The following SHLD2 variants were observed in gnomAD, a reference collection of about 807,000 sequenced individuals.
The protein encoded by SHLD2 is shieldin complex subunit 2.
Under a neutral mutation model 73.2 loss-of-function variants are expected in SHLD2, and 30 were observed. The observed-to-expected ratio is 0.41, with a 90% CI of 0.31 to 0.56. SHLD2 has a LOEUF of 0.56. Ranked by LOEUF, SHLD2 falls within the 20% of genes least tolerant of loss-of-function variation. The pLI, the probability that SHLD2 is intolerant of heterozygous loss-of-function variation, is 0.28. For missense variants in SHLD2, 745 were observed against 1,055.9 expected, an observed-to-expected ratio of 0.71 and a Z score of 4.08; for synonymous variants, 285 against 370.1, an observed-to-expected ratio of 0.77 and a Z score of 2.64.
chr10:87,099,559 C>T (rs1287995703), intron 2 of SHLD2, among the ~76,000 whole-genome samples: 1 of 152,198 alleles, frequency 6.6e-6, no homozygotes, highest in Non-Finnish European at 1.5e-5. Flanking sequence ...AAAATCTATT[C>T]ATCATTGATG....
chr10:87,113,444 C>G (rs1211828729), intron 2 of SHLD2, among the ~76,000 whole-genome samples: 1 of 152,164 alleles, frequency 6.6e-6, no homozygotes, highest in Non-Finnish European at 1.5e-5. Flanking sequence ...AAACATTATG[C>G]TGAGTGAAAG....
chr10:87,152,564 T>C lies in SHLD2; in HGVS notation c.1210T>C (p.Leu404=), dbSNP rs1846091384. The part of the protein sequence containing the change: ...RVLQVAKKMK[L]ISNGGDSAVE... Reference sequence around the variant, plus strand: ...CCTTCAAGTAGCTAAGAAAATGAAGTTGATTTCTAATGGAGGAGATTCTGC... The same window carrying C: ...CCTTCAAGTAGCTAAGAAAATGAAGCTGATTTCTAATGGAGGAGATTCTGC... Residue 404 remains leucine, a synonymous_variant, in exon 3 of 10, where the codon TTG becomes CTG. Coordinates refer to ENST00000298786, the MANE Select transcript of SHLD2 (RefSeq NM_001330112.2). The C allele has an allele frequency of 6.2e-7, 1 of 1,611,418 alleles. No homozygotes were observed. Among genetic ancestry groups the C allele is most frequent in the Non-Finnish European group, 8.5e-7 (1 of 1,179,746 alleles).
rs778010684 is a variant in SHLD2, at chr10:87,151,609, T to C, written c.255T>C (p.His85=). Residue 85 remains histidine (H), a synonymous_variant, in exon 3 of 10, where the codon CAT becomes CAC. Coordinates refer to ENST00000298786, the MANE Select transcript of SHLD2 (RefSeq NM_001330112.2). Reference sequence around the variant, plus strand: ...TCTTAGCAAACTGTATGAATAGACATGTTCATGTGAAAGATGACTTTGTAC... The same window carrying C: ...TCTTAGCAAACTGTATGAATAGACACGTTCATGTGAAAGATGACTTTGTAC... ...GHFLANCMNR[H]VHVKDDFVRS... The C allele has an allele frequency of 6.2e-7, 1 of 1,611,794 alleles. No homozygotes were observed. Among genetic ancestry groups the C allele is most frequent in the Admixed American group, 1.7e-5 (1 of 60,004 alleles).
intron 2 of SHLD2, among the ~76,000 whole-genome samples, chr10:87,143,862 C>CTTTTTTTTT (rs61651864): frequency 9.5e-6 from 1 of 104,760 alleles, no homozygotes; most frequent in African/African-American, 3.4e-5. Context: ...TTTATTCTTT[C>CTTTTTTTTT]TTTTTTTTTT....
chr10:87,187,151 A>G lies in SHLD2; in HGVS notation c.2466A>G (p.Ile822Met). The G allele has an allele frequency of 6.2e-7, 1 of 1,613,482 alleles. No homozygotes were observed. The highest frequency in any genetic ancestry group is 8.5e-7 in the Non-Finnish European group (1 of 1,179,484). ...GTATCCGTGTAGAATCAAAGCTGAT[A>G]GAGAAGATTCTTCTCAACATTTCTG... ...DVCIRVESKL[I>M]EKILLNISAD... The change falls in exon 9 of 10, where the codon ATA (isoleucine) becomes ATG (methionine). Residue 822 changes from isoleucine (I) to methionine (M), a missense_variant. Ile to Met is a conservative substitution (Grantham distance 10). Coordinates refer to ENST00000298786, the MANE Select transcript of SHLD2 (RefSeq NM_001330112.2).
At chr10:87,187,270 A>G in intron 9 of SHLD2, 70 bp downstream of exon 9, 5 of 926,952 alleles carry the variant, frequency 5.4e-6, no homozygotes, top group Non-Finnish European at 8.9e-6. Flanking sequence ...GAACAGAAAG[A>G]GCACTGTACT....
intron 7 of SHLD2, among the ~76,000 whole-genome samples, chr10:87,178,425 A>T (rs1848090374): frequency 6.6e-6 from 1 of 151,540 alleles, no homozygotes; most frequent in African/African-American, 2.4e-5. Context: ...TTTTTACATA[A>T]TTTTTTAGGC....
rs138943927 is a variant in SHLD2, at chr10:87,130,987, A to C, written c.-5-20363A>C. On this transcript the variant is annotated intron_variant, in intron 2 of 9. Coordinates refer to ENST00000298786, the MANE Select transcript of SHLD2 (RefSeq NM_001330112.2). ...GAGTTTGAGGTGGGAGGATCGCGTG[A>C]GCCTGGGATGTGGAGGTTGCAGCGT... Among the ~76,000 whole-genome samples the C allele has an allele frequency of 7.7e-3, 1,166 of 152,176 alleles. 16 individuals carry two copies. Among genetic ancestry groups the C allele is most frequent in the African/African-American group, 0.027 (1,121 of 41,502 alleles).
chr10:87,154,805 ATG>A (rs1190741145), intron 3 of SHLD2, among the ~76,000 whole-genome samples: 1 of 152,222 alleles, frequency 6.6e-6, no homozygotes, highest in Non-Finnish European at 1.5e-5. Flanking sequence ...TAAAGAAAGA[ATG>A]TGATACAGAG....
chr10:87,150,152 C>T (rs1324366396), intron 2 of SHLD2, among the ~76,000 whole-genome samples: 1 of 151,032 alleles, frequency 6.6e-6, no homozygotes, highest in Admixed American at 6.6e-5. Context: ...GCAACCTCCT[C>T]CTCCTGAGTT....
At chr10:87,178,391 C>G (rs935283087) in intron 7 of SHLD2, among the ~76,000 whole-genome samples, 1 of 151,864 alleles carries the variant, frequency 6.6e-6, no homozygotes, top group Non-Finnish European at 1.5e-5. Flanking sequence ...CCCTCTGAAT[C>G]TGAAATAAAA....
chr10:87,163,432 G>A (rs1035434758), intron 4 of SHLD2, among the ~76,000 whole-genome samples: 2 of 152,160 alleles, frequency 1.3e-5, no homozygotes, highest in Non-Finnish European at 2.9e-5. Flanking sequence ...ATGTAATATT[G>A]TTACAAGTGA....
At chr10:87,132,785 G>GAAACA (rs565912869) in intron 2 of SHLD2, among the ~76,000 whole-genome samples, 1 of 151,120 alleles carries the variant, frequency 6.6e-6, no homozygotes, top group Middle Eastern at 3.4e-3. Flanking sequence ...AAAACAAAAC[G>GAAACA]AAACAAAACA....
At chr10:87,103,789 A>T (rs777162303) in intron 2 of SHLD2, among the ~76,000 whole-genome samples, 2 of 152,180 alleles carry the variant, frequency 1.3e-5, no homozygotes, top group Non-Finnish European at 2.9e-5. Context: ...GGTTTGGGTA[A>T]GTCTTCATTT....
intron 2 of SHLD2, among the ~76,000 whole-genome samples, chr10:87,126,534 C>T (rs1844021512): frequency 1.3e-5 from 2 of 151,432 alleles, no homozygotes; most frequent in Non-Finnish European, 2.9e-5. Context: ...AAAAAAAACC[C>T]CAGGTAAAAT....
At chr10:87,101,868 A>G (rs1343899898) in intron 2 of SHLD2, among the ~76,000 whole-genome samples, 1 of 152,166 alleles carries the variant, frequency 6.6e-6, no homozygotes, top group Non-Finnish European at 1.5e-5. Context: ...GAACCGAGAT[A>G]GTTCCACTGC....
At chr10:87,126,771 C>G (rs1363435061) in intron 2 of SHLD2, among the ~76,000 whole-genome samples, 1 of 152,096 alleles carries the variant, frequency 6.6e-6, no homozygotes, top group Admixed American at 6.5e-5. Context: ...TTTAGTTGTC[C>G]TGCTAAGATA....
intron 2 of SHLD2, among the ~76,000 whole-genome samples, chr10:87,131,800 C>A (rs1378413482): frequency 6.6e-6 from 1 of 152,174 alleles, no homozygotes; most frequent in Non-Finnish European, 1.5e-5. Context: ...AATCTGTTTT[C>A]CTCAGTGACT....
At chr10:87,112,444 C>A (rs1842988849) in intron 2 of SHLD2, among the ~76,000 whole-genome samples, 1 of 151,976 alleles carries the variant, frequency 6.6e-6, no homozygotes, top group Non-Finnish European at 1.5e-5. Context: ...TCAGGAAGAT[C>A]ACTTGAGCCC....
Sources: allele counts gnomAD v4.1 joint callset (sites outside exome capture counted in the v4.1 genomes callset), GRCh38; gene constraint gnomAD v4.1.1; transcripts MANE v1.5; gene names NCBI Gene and HGNC (gene_info 2026-07-23, HGNC 2026-07-21).